Variants in GRM5 observed in about 807,000 individuals in gnomAD.
GRM5 encodes the protein metabotropic glutamate receptor 5.
In GRM5, 19 loss-of-function variants were observed where a neutral mutation model predicts 83.1. The ratio of observed to expected loss-of-function variants is 0.23; its 90% CI spans 0.16 to 0.34. The LOEUF is 0.34. Among genes scored for constraint, GRM5 ranks in the 10% least tolerant of loss-of-function variants. GRM5 has a pLI of 1.00. For synonymous variants in GRM5, 675 were observed against 633.6 expected (o/e 1.07, Z -0.98); for missense variants, 1,160 against 1,588.3 (o/e 0.73, Z 4.58).
chr11:88,618,421 T>A (rs377113943), intron 4 of GRM5, among the ~76,000 whole-genome samples: 248 of 152,292 alleles, frequency 1.6e-3, no homozygotes, highest in African/African-American at 5.7e-3. Flanking sequence ...CTGAGTTATA[T>A]TCAATTCTTT....
intron 3 of GRM5, among the ~76,000 whole-genome samples, chr11:88,843,435 A>T (rs184619654): frequency 1.8e-4 from 27 of 152,250 alleles, no homozygotes; most frequent in Admixed American, 7.8e-4. Context: ...CTACTGTTGT[A>T]ATTGGTTTGG....
chr11:88,821,154 A>G (rs572375573), intron 3 of GRM5, among the ~76,000 whole-genome samples: 1 of 152,164 alleles, frequency 6.6e-6, no homozygotes, highest in East Asian at 1.9e-4. Context: ...AAGATAATTA[A>G]CTATCTGTCC....
rs183846810 is a variant in GRM5, at chr11:88,768,771, G to A, written c.911+81135C>T. On this transcript the variant is annotated intron_variant, in intron 3 of 9. Transcript: ENST00000305447. Reference sequence around the variant, plus strand: ...ATGTGAAGAAAAGGCCACGTGAAGGGGTGATGAGGAGTTATTGAAGATGGA... The same window carrying A: ...ATGTGAAGAAAAGGCCACGTGAAGGAGTGATGAGGAGTTATTGAAGATGGA... Among the ~76,000 whole-genome samples the A allele has an allele frequency of 1.2e-4, 18 of 151,998 alleles. No individual in the cohort carries two copies. The East Asian group carries it at 3.3e-3, about 28-fold the overall frequency.
chr11:88,733,327 G>A (rs1300421818), intron 3 of GRM5, among the ~76,000 whole-genome samples: 2 of 151,962 alleles, frequency 1.3e-5, no homozygotes, highest in Admixed American at 6.6e-5. Flanking sequence ...ATCTGTTTGG[G>A]AAGGTTCTGG....
chr11:88,782,919 C>A (rs191834609), intron 3 of GRM5, among the ~76,000 whole-genome samples: 2 of 152,106 alleles, frequency 1.3e-5, no homozygotes, highest in Non-Finnish European at 2.9e-5. Context: ...ACTTTTATCC[C>A]GGCAACAAAT....
At chr11:88,947,440 C>T (rs892661074) in intron 2 of GRM5, among the ~76,000 whole-genome samples, 2 of 152,118 alleles carry the variant, frequency 1.3e-5, no homozygotes, top group African/African-American at 4.8e-5. Context: ...ACAAGCTTCA[C>T]CTCCTGACTC....
intron 3 of GRM5, among the ~76,000 whole-genome samples, chr11:88,762,353 C>G (rs1390662603): frequency 3.9e-5 from 6 of 151,954 alleles, no homozygotes; most frequent in Non-Finnish European, 2.9e-5. Flanking sequence ...AAGCAAACAA[C>G]CCCATTAAAA....
At chr11:88,573,694 C>T (rs1450467221) in intron 7 of GRM5, among the ~76,000 whole-genome samples, 1 of 152,146 alleles carries the variant, frequency 6.6e-6, no homozygotes, top group East Asian at 1.9e-4. Context: ...TTGTGGGTTT[C>T]CTCTTTGATA....
chr11:88,564,165 C>G (rs1323265449), intron 8 of GRM5, among the ~76,000 whole-genome samples: 1 of 152,132 alleles, frequency 6.6e-6, no homozygotes, highest in African/African-American at 2.4e-5. Context: ...CCTGTGTCAG[C>G]TATAATCACA....
intron 3 of GRM5, among the ~76,000 whole-genome samples, chr11:88,752,996 T>A (rs1286614014): frequency 6.6e-6 from 1 of 152,064 alleles, no homozygotes; most frequent in African/African-American, 2.4e-5. Context: ...CTCAAAACTA[T>A]AAAAACCCTA....
At chr11:89,019,932 T>C (rs1396727115) in intron 2 of GRM5, among the ~76,000 whole-genome samples, 2 of 152,166 alleles carry the variant, frequency 1.3e-5, no homozygotes, top group Non-Finnish European at 2.9e-5. Context: ...ATTTTCTTCA[T>C]ACACACAAAG....
At chr11:88,994,465 A>ATT (rs1180047886) in intron 2 of GRM5, among the ~76,000 whole-genome samples, 1 of 102,404 alleles carries the variant, frequency 9.8e-6, no homozygotes, top group Non-Finnish European at 2.0e-5. Flanking sequence ...ATATATATAT[A>ATT]TATATATATA....
chr11:88,979,566 G>A (rs951855070), intron 2 of GRM5, among the ~76,000 whole-genome samples: 1 of 152,056 alleles, frequency 6.6e-6, no homozygotes, highest in African/African-American at 2.4e-5. Context: ...GATCTGTTTT[G>A]TGAGTATACC....
intron 4 of GRM5, among the ~76,000 whole-genome samples, chr11:88,649,568 G>A (rs910737772): frequency 6.8e-6 from 1 of 148,106 alleles, no homozygotes; most frequent in Non-Finnish European, 1.5e-5. Flanking sequence ...TGACACCGGG[G>A]AAACACATTA....
chr11:88,576,813 T>C (rs568292735), intron 7 of GRM5, among the ~76,000 whole-genome samples: 212 of 152,280 alleles, frequency 1.4e-3, no homozygotes, highest in African/African-American at 4.0e-3. Context: ...TTAAAACCGA[T>C]AGGGTATCAG....
chr11:88,638,427 T>C (rs1323498710), intron 4 of GRM5, among the ~76,000 whole-genome samples: 2 of 152,108 alleles, frequency 1.3e-5, no homozygotes, highest in African/African-American at 4.8e-5. Flanking sequence ...TTTGTTTGTT[T>C]GTTTGTTTGT....
At chr11:88,669,177 G>A (rs991040464) in intron 3 of GRM5, among the ~76,000 whole-genome samples, 21 of 152,148 alleles carry the variant, frequency 1.4e-4, no homozygotes, top group African/African-American at 4.8e-4. Flanking sequence ...AGAAAATGTG[G>A]TATATACATA....
chr11:88,918,511 T>C (rs1945634344), intron 2 of GRM5, among the ~76,000 whole-genome samples: 1 of 151,960 alleles, frequency 6.6e-6, no homozygotes, highest in Non-Finnish European at 1.5e-5. Context: ...GTTTTTAATC[T>C]GAAAGAAAAG....
At chr11:88,854,058 G>GTGTATA (rs1555027663) in intron 2 of GRM5, among the ~76,000 whole-genome samples, 4 of 121,220 alleles carry the variant, frequency 3.3e-5, no homozygotes, top group African/African-American at 1.2e-4. Flanking sequence ...AAAATGTGGT[G>GTGTATA]TATATATATA....
Sources: allele counts gnomAD v4.1 joint callset (sites outside exome capture counted in the v4.1 genomes callset), GRCh38; gene constraint gnomAD v4.1.1; transcripts MANE v1.5; gene names NCBI Gene and HGNC (gene_info 2026-07-23, HGNC 2026-07-21).